Variants in STK32B observed in about 807,000 individuals in gnomAD.
STK32B encodes the protein serine/threonine kinase 32B.
Under a neutral mutation model 52.6 loss-of-function variants are expected in STK32B, and 43 were observed. That is an observed-to-expected ratio of 0.82 (90% confidence interval 0.64 to 1.05). The LOEUF is 1.05. Ranked by LOEUF, STK32B falls within the 50% of genes least tolerant of loss-of-function variation. The pLI, the probability that STK32B is intolerant of heterozygous loss-of-function variation, is 0.00. For missense variants in STK32B, 621 were observed against 534.6 expected, an observed-to-expected ratio of 1.16 and a Z score of -1.59; for synonymous variants, 238 against 204.3, an observed-to-expected ratio of 1.17 and a Z score of -1.41.
rs34252638 is a variant in STK32B at position 5,492,382 on chromosome 4, G to T, written c.1107-6563G>T. Among the ~76,000 whole-genome samples the T allele has an allele frequency of 1.8e-3, 274 of 151,956 alleles. 1 individual carries two copies. Among genetic ancestry groups the T allele is most frequent in the Middle Eastern group, 0.014 (4 of 288 alleles). On this transcript the variant is annotated intron_variant, in intron 11 of 11. Coordinates refer to ENST00000282908, the MANE Select transcript of STK32B (RefSeq NM_018401.3). ...CACTCATGATTTGGCTGTTTGTCTG[G>T]TATTGGTGTATAAGAATGCTTGTGA...
intron 3 of STK32B, among the ~76,000 whole-genome samples, chr4:5,282,757 A>G (rs937126616): frequency 6.6e-6 from 1 of 152,118 alleles, no homozygotes; most frequent in Non-Finnish European, 1.5e-5. Context: ...TACAGCATAG[A>G]TATACTGGGC....
At chr4:5,455,750 TG>T (rs1301337499) in intron 7 of STK32B, among the ~76,000 whole-genome samples, 3 of 152,254 alleles carry the variant, frequency 2.0e-5, no homozygotes, top group African/African-American at 7.2e-5. Flanking sequence ...CAGACACTAC[TG>T]GGGCCCCGAG....
chr4:5,382,468 C>A (rs1248397960), intron 4 of STK32B, among the ~76,000 whole-genome samples: 1 of 152,002 alleles, frequency 6.6e-6, no homozygotes, highest in Non-Finnish European at 1.5e-5. Context: ...GGGCAATTGG[C>A]TCCTTCCCTC....
chr4:5,069,601 T>C (rs1030787335), intron 1 of STK32B, among the ~76,000 whole-genome samples: 3 of 152,188 alleles, frequency 2.0e-5, no homozygotes, highest in African/African-American at 7.2e-5. Flanking sequence ...TGAATAAGTT[T>C]CTTCACCTCT....
At chr4:5,297,059 A>T (rs1239935438) in intron 3 of STK32B, among the ~76,000 whole-genome samples, 1 of 152,124 alleles carries the variant, frequency 6.6e-6, no homozygotes, top group Non-Finnish European at 1.5e-5. Flanking sequence ...CTGGATATGA[A>T]ATTCTGGGTA....
chr4:5,175,562 G>C (rs1008677024), intron 3 of STK32B, among the ~76,000 whole-genome samples: 2 of 152,200 alleles, frequency 1.3e-5, no homozygotes, highest in Non-Finnish European at 2.9e-5. Context: ...TTTAATGGAG[G>C]TCCACTCCAG....
chr4:5,414,135 C>G (rs1409292204), intron 5 of STK32B, among the ~76,000 whole-genome samples: 1 of 152,108 alleles, frequency 6.6e-6, no homozygotes, highest in Non-Finnish European at 1.5e-5. Flanking sequence ...TACAGACATC[C>G]TATGGAATAC....
At chr4:5,159,246 G>C (rs1718117830) in intron 2 of STK32B, among the ~76,000 whole-genome samples, 1 of 152,016 alleles carries the variant, frequency 6.6e-6, no homozygotes, top group Admixed American at 6.6e-5. Context: ...ACGTATTTTG[G>C]AATCAAGTAA....
chr4:5,435,688 A>G (rs955611167), intron 6 of STK32B: 4 of 152,206 alleles, frequency 2.6e-5, no homozygotes. Flanking sequence ...TTTCCTGCAT[A>G]TCTTCTTGGT....
rs188463594 is a variant in STK32B at position 5,100,680 on chromosome 4, T to C, written c.53-39225T>C. Among the ~76,000 whole-genome samples the C allele has an allele frequency of 9.7e-3, 188 of 19,398 alleles. 4 individuals are homozygous for C. The highest frequency in any genetic ancestry group is 0.029 in the East Asian group (3 of 102). The allele number at this position is 19,398 out of a possible 152,430, so 12.7% of individuals were successfully genotyped here. On this transcript the variant is annotated intron_variant, in intron 1 of 11. Coordinates refer to ENST00000282908, the MANE Select transcript of STK32B (RefSeq NM_018401.3). ...TCTTTCATTCTTTCTTTCTTTCCTT[T>C]CTTACTTTCTTTCTTTCCTTCCTTC...
At chr4:5,063,007 C>T (rs540299684) in intron 1 of STK32B, among the ~76,000 whole-genome samples, 3 of 152,156 alleles carry the variant, frequency 2.0e-5, no homozygotes, top group African/African-American at 7.2e-5. Flanking sequence ...ACTGATTGCA[C>T]TGTACTGCTT....
chr4:5,351,761 A>C (rs188697484), intron 4 of STK32B, among the ~76,000 whole-genome samples: 1 of 152,078 alleles, frequency 6.6e-6, no homozygotes, highest in African/African-American at 2.4e-5. Flanking sequence ...ATCAGAAATG[A>C]CAAAGAAGAC....
intron 2 of STK32B, among the ~76,000 whole-genome samples, chr4:5,152,907 T>C (rs767893483): frequency 9.9e-5 from 15 of 152,212 alleles, no homozygotes; most frequent in Non-Finnish European, 2.2e-4. Context: ...GCTTCCAGTA[T>C]TTGCCACCTA....
chr4:5,428,108 C>G (rs1012601832), intron 6 of STK32B, among the ~76,000 whole-genome samples: 1 of 151,892 alleles, frequency 6.6e-6, no homozygotes, highest in Non-Finnish European at 1.5e-5. Context: ...TAATTTCATT[C>G]AGTTAAAAAC....
intron 2 of STK32B, among the ~76,000 whole-genome samples, chr4:5,144,529 T>C (rs1448157158): frequency 2.0e-5 from 3 of 152,160 alleles, no homozygotes; most frequent in African/African-American, 7.2e-5. Flanking sequence ...GGCAGGGCTG[T>C]TGTGTATACT....
rs1294906234 is a variant in STK32B at position 5,395,728 on chromosome 4, C to G, written c.435-2479C>G. Among the ~76,000 whole-genome samples, 1 of 152,210 alleles carries G rather than the reference C, an allele frequency of 6.6e-6. No individual in the cohort carries two copies. The highest frequency in any genetic ancestry group is 1.5e-5 in the Non-Finnish European group (1 of 68,040). On this transcript the variant is annotated intron_variant, in intron 4 of 11. Transcript: ENST00000282908. This position sits in a 1 kb window ranked among gnomAD's most constrained non-coding sequence, Gnocchi z 4.4. ...CACAGAAGCAATGTGTGTTATGTATCAGGTATTTAATCCACACAGCAAAGG... is the reference window on the plus strand; with the variant it reads ...CACAGAAGCAATGTGTGTTATGTATGAGGTATTTAATCCACACAGCAAAGG...
chr4:5,377,632 G>A (rs1026865614), intron 4 of STK32B, among the ~76,000 whole-genome samples: 1 of 152,156 alleles, frequency 6.6e-6, no homozygotes, highest in Admixed American at 6.5e-5. Flanking sequence ...ACGTGTCAAG[G>A]GAGGACCCAG....
intron 11 of STK32B, among the ~76,000 whole-genome samples, chr4:5,480,639 A>T (rs1461313639): frequency 2.0e-5 from 3 of 151,850 alleles, no homozygotes; most frequent in East Asian, 3.9e-4. Flanking sequence ...CGTGCAGGTT[A>T]GTTACATTTG....
chr4:5,232,628 A>G (rs139501059), intron 3 of STK32B, among the ~76,000 whole-genome samples: 98 of 152,286 alleles, frequency 6.4e-4, no homozygotes, highest in Middle Eastern at 6.8e-3. Context: ...ACCCTTCAGG[A>G]TGGTCAGGGG....
Sources: gnomAD v4.1 joint callset for allele counts (sites outside exome capture counted in the v4.1 genomes callset) on GRCh38, gnomAD v4.1.1 for gene constraint, Gnocchi (gnomAD v3.1) non-coding constraint, MANE v1.5 for transcripts, NCBI Gene and HGNC (gene_info 2026-07-23, HGNC 2026-07-21) for gene names.